The following ERCC6L2 variants were observed in gnomAD, a reference collection of about 807,000 sequenced individuals.
ERCC6L2 encodes the protein ERCC excision repair 6 like 2.
In ERCC6L2, 77 loss-of-function variants were observed where a neutral mutation model predicts 132.0. The ratio of observed to expected loss-of-function variants is 0.58; its 90% CI spans 0.49 to 0.71. The LOEUF is 0.71. ERCC6L2 is among the 30% of genes least tolerant of loss of function. The probability of loss-of-function intolerance (pLI) is 0.00; values close to 1 mark genes in which losing one functional copy is unlikely to be tolerated. For missense variants in ERCC6L2, 1,542 were observed against 1,837.6 expected (o/e 0.84, Z 2.94); for synonymous variants, 583 against 632.4 (o/e 0.92, Z 1.17).
chr9:96,032,634 C>T lies in ERCC6L2; in HGVS notation c.*1504-6242C>T, dbSNP rs150217953. Among the ~76,000 whole-genome samples the T allele has an allele frequency of 1.8e-4, 28 of 152,310 alleles. No individual in the cohort carries two copies. In the East Asian group the frequency reaches 5.0e-3, roughly 27 times the overall value. ...GTCACACTCCAGAGCCACAAAAACT[C>T]GAAGCCACCCCTCACACCTGCGGCA... is the stretch of plus-strand genomic sequence containing the variant. On this transcript the variant is annotated intron_variant and NMD_transcript_variant, in intron 19 of 20. Transcript: ENST00000670016.
intron 17 of ERCC6L2, among the ~76,000 whole-genome samples, chr9:95,983,799 C>T (rs114843454): frequency 0.018 from 2,708 of 152,222 alleles, 87 homozygotes; most frequent in African/African-American, 0.061. Flanking sequence ...TCTCATTTTC[C>T]TAAATTTTGA....
intron 3 of ERCC6L2, among the ~76,000 whole-genome samples, chr9:95,900,221 A>G: frequency 6.6e-6 from 1 of 151,996 alleles, no homozygotes; most frequent in Non-Finnish European, 1.5e-5. Flanking sequence ...CTTTACAGAA[A>G]ATAAAAAAAT....
chr9:95,936,629 T>G (rs1306254386), intron 11 of ERCC6L2, among the ~76,000 whole-genome samples: 1 of 152,208 alleles, frequency 6.6e-6, no homozygotes, highest in African/African-American at 2.4e-5. Flanking sequence ...TCCCATGCAC[T>G]CTTTACCCAG....
chr9:95,926,233 A>G (rs1302123789), intron 9 of ERCC6L2, among the ~76,000 whole-genome samples: 3 of 152,218 alleles, frequency 2.0e-5, no homozygotes, highest in Non-Finnish European at 1.5e-5. Context: ...GTCTTACTAT[A>G]TGATCCCGCA....
At chr9:95,927,307 AAATT>A (rs1295365253) in intron 9 of ERCC6L2, among the ~76,000 whole-genome samples, 3 of 152,138 alleles carry the variant, frequency 2.0e-5, no homozygotes, top group Admixed American at 6.6e-5. Flanking sequence ...ATCATTAAAT[AAATT>A]GTTTTAGTGT....
At chr9:96,039,854 G>A (rs1834558830) in intron 20 of ERCC6L2, among the ~76,000 whole-genome samples, 1 of 152,090 alleles carries the variant, frequency 6.6e-6, no homozygotes, top group African/African-American at 2.4e-5. Context: ...ACAGGCAAGC[G>A]GCAGGGCTGG....
chr9:95,925,763 A>G (rs968494100), intron 9 of ERCC6L2, among the ~76,000 whole-genome samples: 1 of 152,208 alleles, frequency 6.6e-6, no homozygotes, highest in African/African-American at 2.4e-5. Flanking sequence ...TTTCTATACA[A>G]TATATCCTTG....
At position 95,972,911 on chromosome 9, in the gene ERCC6L2, A is replaced by G; in HGVS notation, c.3160A>G (p.Ser1054Gly). The G allele has an allele frequency of 3.1e-6, 4 of 1,305,900 alleles. No homozygotes were observed. Among genetic ancestry groups the G allele is most frequent in the Non-Finnish European group, 4.0e-6 (4 of 989,194 alleles). 80.9% of individuals were successfully genotyped at this position (1,305,900 alleles called of 1,614,324 possible). ...SDESLSVSHF[S>G]FSKQSHRPRT... ...TGAGAGTTTATCCGTCAGCCACTTC[A>G]GTTTCTCTAAACAGAGCCACAGACC... The change falls in exon 16 of 19, where the codon AGT becomes GGT. Residue 1054 changes from serine to glycine, a missense_variant. Physicochemically the swap from Ser to Gly is moderately conservative, Grantham distance 56. Around this residue, in one of 4 missense-constraint regions of ERCC6L2, gnomAD observed 945 missense variants for 1,105.2 expected, o/e 0.86. Transcript: ENST00000653738.
rs553258875 is a variant in ERCC6L2, at chr9:96,016,242, A to G, written c.*3039A>G. Among the ~76,000 whole-genome samples, 1 of 152,342 alleles carries G rather than the reference A, an allele frequency of 6.6e-6. No individual in the cohort carries two copies. Among genetic ancestry groups the G allele is most frequent in the African/African-American group, 2.4e-5 (1 of 41,572 alleles). ...CTTAAAGCAACTGAACTGTATCTTA[A>G]TCAGAAACTTAACTAGTAAAACAAT... On this transcript the variant is annotated 3_prime_UTR_variant, in exon 19 of 19. Transcript: ENST00000653738.
At position 96,015,483 on chromosome 9, in the gene ERCC6L2, C is replaced by T. The variant is rs1834166629; in HGVS notation, c.*2280C>T. On this transcript the variant is annotated 3_prime_UTR_variant, in exon 19 of 19. Transcript: ENST00000653738. ...GATTACAGGTGTGAGCCACCATGCC[C>T]AGCCAATAAATGCTATTAAAGAAAC... 6.6e-6 allele frequency among the ~76,000 whole-genome samples: 1 copy of T among 151,594 alleles called. No homozygotes were observed. Among genetic ancestry groups the T allele is most frequent in the South Asian group, 2.1e-4 (1 of 4,800 alleles).
chr9:95,889,459 G>A (rs73656583), intron 2 of ERCC6L2, among the ~76,000 whole-genome samples: 4,884 of 151,878 alleles, frequency 0.032, 265 homozygotes, highest in African/African-American at 0.11. Context: ...GAGTATATCT[G>A]TCAATATATG....
At chr9:95,904,340 A>G (rs537933620) in intron 3 of ERCC6L2, among the ~76,000 whole-genome samples, 9 of 152,196 alleles carry the variant, frequency 5.9e-5, no homozygotes, top group Admixed American at 4.6e-4. Context: ...ATTGACATGT[A>G]TGGTTTCATG....
intron 17 of ERCC6L2, among the ~76,000 whole-genome samples, chr9:95,979,662 A>G (rs1295974139): frequency 6.6e-6 from 1 of 152,222 alleles, no homozygotes; most frequent in Admixed American, 6.5e-5. Context: ...TCGTGAAAGC[A>G]TTCTTTCATG....
chr9:95,877,467 T>C (rs1313354755), intron 1 of ERCC6L2, among the ~76,000 whole-genome samples: 2 of 152,096 alleles, frequency 1.3e-5, no homozygotes, highest in Non-Finnish European at 2.9e-5. Context: ...TTTACAGTTA[T>C]GTATATGTTG....
At chr9:95,905,389 T>C (rs757214480) in intron 3 of ERCC6L2, among the ~76,000 whole-genome samples, 1 of 152,210 alleles carries the variant, frequency 6.6e-6, no homozygotes, top group Non-Finnish European at 1.5e-5. Flanking sequence ...ACCTTAATTT[T>C]TAAACATCTT....
At position 96,017,285 on chromosome 9, in the gene ERCC6L2, C is replaced by G. The variant is rs1400997540; in HGVS notation, c.*4082C>G. 1.3e-5 allele frequency among the ~76,000 whole-genome samples: 2 copies of G among 152,156 alleles called. No individual in the cohort carries two copies. Among genetic ancestry groups the G allele is most frequent in the African/African-American group, 2.4e-5 (1 of 41,438 alleles). On this transcript the variant is annotated 3_prime_UTR_variant, in exon 19 of 19. Transcript: ENST00000653738. ...TTTGTTGCAGGAGGGAAGAACATCTCACTTTTGCTTGGCTAAAGGGCCACC... is the reference window on the plus strand; with the variant it reads ...TTTGTTGCAGGAGGGAAGAACATCTGACTTTTGCTTGGCTAAAGGGCCACC...
chr9:95,906,826 A>G, intron 3 of ERCC6L2: 1 of 522,168 alleles, frequency 1.9e-6, no homozygotes, highest in Non-Finnish European at 3.5e-6. Context: ...TGGTAGGGGG[A>G]AATAAAAAAC....
chr9:95,978,172 A>G lies in ERCC6L2; in HGVS notation c.3449A>G (p.Gln1150Arg). 1 of 1,367,076 alleles carries G rather than the reference A, an allele frequency of 7.3e-7. No homozygotes were observed. Among genetic ancestry groups the G allele is most frequent in the African/African-American group, 1.5e-5 (1 of 67,868 alleles). 84.7% of individuals were successfully genotyped at this position (1,367,076 alleles called of 1,614,324 possible). The part of the protein sequence containing the change: ...WAAHDVFELK[Q>R]FSQLPANIAV... ...GCACATGACGTATTTGAGTTGAAGC[A>G]GTTTTCTCAGCTGCCTGCTAACATA... Residue 1150 changes from glutamine (Q) to arginine (R), a missense_variant, in exon 17 of 19, where the codon CAG (glutamine) becomes CGG (arginine). By Grantham distance (43) the Gln-to-Arg change is conservative. This residue lies in a region of ERCC6L2 where 442 missense variants were observed against 583.4 expected (regional missense o/e 0.76). Coordinates refer to ENST00000653738, the MANE Select transcript of ERCC6L2 (RefSeq NM_020207.7).
intron 12 of ERCC6L2, among the ~76,000 whole-genome samples, chr9:95,949,576 C>A (rs1013570346): frequency 2.6e-5 from 4 of 152,028 alleles, no homozygotes; most frequent in African/African-American, 9.7e-5. Context: ...AAAAAACAAA[C>A]AAACTGTCAA....
Sources: gnomAD v4.1 joint callset for allele counts (sites outside exome capture counted in the v4.1 genomes callset) on GRCh38, gnomAD v4.1.1 for gene constraint, gnomAD v4.1.1 regional missense constraint, MANE v1.5 for transcripts, NCBI Gene and HGNC (gene_info 2026-07-23, HGNC 2026-07-21) for gene names.